Variants in SPANXN2 observed in about 807,000 individuals in gnomAD.
SPANXN2 encodes the protein sperm protein associated with the nucleus on the X chromosome N2.
In SPANXN2, 1 loss-of-function variant was observed where a neutral mutation model predicts 2.0. The ratio of observed to expected loss-of-function variants is 0.50; its 90% CI spans 0.18 to 2.36. SPANXN2 has a LOEUF of 2.36. SPANXN2 is among the 30% of genes most tolerant of loss of function. The pLI, the probability that SPANXN2 is intolerant of heterozygous loss-of-function variation, is 0.26. For synonymous variants in SPANXN2, 43 were observed against 49.8 expected, an observed-to-expected ratio of 0.86 and a Z score of 0.58; for missense variants, 88 against 116.7, an observed-to-expected ratio of 0.75 and a Z score of 1.13.
intron 1 of SPANXN2, among the ~76,000 whole-genome samples, chrX:143,714,638 C>A (rs1225611039): frequency 1.8e-5 from 2 of 111,896 alleles, no homozygotes; most frequent in African/African-American, 6.5e-5. Context: ...CCTCTCCTGC[C>A]TTTCAAAAGT....
chrX:143,714,794 A>C (rs1932229612), intron 1 of SPANXN2, among the ~76,000 whole-genome samples: 1 of 112,103 alleles, frequency 8.9e-6, no homozygotes, highest in Non-Finnish European at 1.9e-5. Flanking sequence ...AAGAGACTTA[A>C]TCAAAGTGGC....
At chrX:143,717,798 A>C (rs1556450097) in intron 1 of SPANXN2, among the ~76,000 whole-genome samples, 1 of 111,817 alleles carries the variant, frequency 8.9e-6, no homozygotes, top group Non-Finnish European at 1.9e-5. Context: ...AGACCTGAGG[A>C]CACTTACTAG....
chrX:143,715,931 A>T lies in SPANXN2; in HGVS notation c.79-3432T>A, dbSNP rs187040723. Among the ~76,000 whole-genome samples the T allele has an allele frequency of 3.4e-3, 384 of 111,305 alleles. 3 individuals are homozygous for T. The highest frequency in any genetic ancestry group is 0.012 in the African/African-American group (367 of 30,590). On this transcript the variant is annotated intron_variant, in intron 1 of 1. Transcript: ENST00000598475. ...GACAACTATTTCACTATTCCCTTAA[A>T]TCTGGCTTACCAAAGTCTTTTTGCT... is the stretch of plus-strand genomic sequence containing the variant.
chrX:143,712,436 C>T lies in SPANXN2; in HGVS notation c.142G>A (p.Glu48Lys), dbSNP rs782764510. 11 of 1,210,794 alleles carry T rather than the reference C, an allele frequency of 9.1e-6. No homozygotes were observed. The African/African-American group carries it at 1.7e-4, about 19-fold the overall frequency. ...TAATACACTATTATTGTTAGATATT[C>T]TATTGTTTTTGTCTTTTGCAAGCTC... The change falls in exon 2 of 2, where the codon GAA becomes AAA. Residue 48 changes from glutamate (E) to lysine (K), a missense_variant. This residue lies in a region of SPANXN2 where 59 missense variants were observed against 56.4 expected (regional missense o/e 1.05). Transcript: ENST00000598475.
intron 1 of SPANXN2, among the ~76,000 whole-genome samples, chrX:143,717,960 T>C (rs782103666): frequency 8.9e-6 from 1 of 111,835 alleles, no homozygotes; most frequent in South Asian, 3.8e-4. Flanking sequence ...TCTCCACCCA[T>C]ATTATCCACC....
chrX:143,716,422 C>T (rs1474897081), intron 1 of SPANXN2, among the ~76,000 whole-genome samples: 1 of 111,201 alleles, frequency 9.0e-6, no homozygotes, highest in Non-Finnish European at 1.9e-5. Context: ...CTAACTTTGA[C>T]TTGCTGGCCA....
intron 1 of SPANXN2, among the ~76,000 whole-genome samples, chrX:143,719,717 T>G (rs1174662639): frequency 1.8e-5 from 2 of 111,020 alleles, no homozygotes; most frequent in Non-Finnish European, 3.8e-5. Flanking sequence ...CAGGTTCCTT[T>G]AGTAGCTTCT....
chrX:143,713,795 A>T (rs1171945522), intron 1 of SPANXN2, among the ~76,000 whole-genome samples: 9 of 111,592 alleles, frequency 8.1e-5, no homozygotes, highest in African/African-American at 2.9e-4. Flanking sequence ...TCCAAAAAAC[A>T]AAACATTCAA....
At chrX:143,713,892 ACTCTCTCTCTCTCTCTCT>A (rs58045166) in intron 1 of SPANXN2, among the ~76,000 whole-genome samples, 5 of 87,917 alleles carry the variant, frequency 5.7e-5, no homozygotes, top group Non-Finnish European at 4.5e-5. Flanking sequence ...TTCATGCCTC[ACTCTCTCTCTCTCTCTCT>A]CTCTCTCTCT....
intron 1 of SPANXN2, among the ~76,000 whole-genome samples, chrX:143,714,057 C>T (rs782433938): frequency 8.2e-5 from 9 of 109,201 alleles, no homozygotes; most frequent in African/African-American, 2.7e-4. Flanking sequence ...AGCCTCCTGC[C>T]CTCTCCCATT....
At chrX:143,715,698 T>A (rs6637081) in intron 1 of SPANXN2, among the ~76,000 whole-genome samples, 1,272 of 97,055 alleles carry the variant, frequency 0.013, 18 homozygotes, top group East Asian at 0.025. Context: ...TGTAAACTTT[T>A]ACAAGCTCAT....
chrX:143,716,281 T>C (rs851104), intron 1 of SPANXN2, among the ~76,000 whole-genome samples: 47,608 of 109,732 alleles, frequency 0.43, 7,536 homozygotes, highest in African/African-American at 0.47. Context: ...TTGGGTTTGT[T>C]CTAACCCCTA....
intron 1 of SPANXN2, among the ~76,000 whole-genome samples, chrX:143,714,950 G>A (rs782607085): frequency 8.9e-6 from 1 of 111,779 alleles, no homozygotes; most frequent in African/African-American, 3.3e-5. Flanking sequence ...GTCAACTCCA[G>A]GAGCCTGTTA....
At chrX:143,716,998 A>G (rs1556449899) in intron 1 of SPANXN2, among the ~76,000 whole-genome samples, 1 of 111,900 alleles carries the variant, frequency 8.9e-6, no homozygotes, top group African/African-American at 3.3e-5. Context: ...TCCCCCTTCC[A>G]ACACATTTCA....
At chrX:143,717,699 C>T (rs1556450064) in intron 1 of SPANXN2, among the ~76,000 whole-genome samples, 2 of 111,985 alleles carry the variant, frequency 1.8e-5, no homozygotes, top group East Asian at 5.7e-4. Flanking sequence ...ACCATGGTTG[C>T]CCATCTCAGA....
intron 1 of SPANXN2, among the ~76,000 whole-genome samples, chrX:143,719,819 T>C (rs1159321118): frequency 9.0e-6 from 1 of 110,522 alleles, no homozygotes; most frequent in Non-Finnish European, 1.9e-5. Context: ...AGCACTGGGA[T>C]AGCAGGTGGT....
At chrX:143,720,206 C>T (rs1932339362) in intron 1 of SPANXN2, among the ~76,000 whole-genome samples, 1 of 110,044 alleles carries the variant, frequency 9.1e-6, no homozygotes, top group South Asian at 3.9e-4. Context: ...AAACATTCCA[C>T]GGGGGTTCGG....
chrX:143,714,035 C>A (rs782578958), intron 1 of SPANXN2, among the ~76,000 whole-genome samples: 1 of 108,809 alleles, frequency 9.2e-6, no homozygotes, highest in African/African-American at 3.4e-5. Context: ...CTGGCCAACA[C>A]ACCCGTTCTT....
At chrX:143,716,868 G>A (rs1291986476) in intron 1 of SPANXN2, among the ~76,000 whole-genome samples, 2 of 111,548 alleles carry the variant, frequency 1.8e-5, no homozygotes, top group African/African-American at 6.5e-5. Context: ...CTTATTCATA[G>A]GTAACCCTCT....
Sources: allele counts gnomAD v4.1 joint callset (sites outside exome capture counted in the v4.1 genomes callset), GRCh38; gene constraint gnomAD v4.1.1; regional missense constraint gnomAD v4.1.1; transcripts MANE v1.5; gene names NCBI Gene and HGNC (gene_info 2026-07-23, HGNC 2026-07-21).